The following CXorf58 variants were observed in gnomAD, a reference collection of about 807,000 sequenced individuals.
CXorf58 encodes chromosome X open reading frame 58.
A neutral mutation model predicts 26.0 loss-of-function variants in CXorf58; 24 were observed. The observed-to-expected ratio is 0.92, with a 90% CI of 0.67 to 1.30. The LOEUF (loss-of-function observed/expected upper bound fraction) is 1.30, where lower values mean the gene tolerates loss of function less well. Ranked by LOEUF, CXorf58 falls within the 50% of genes most tolerant of loss-of-function variation. CXorf58 has a pLI of 0.00. For missense variants in CXorf58, 236 were observed against 263.9 expected (o/e 0.89, Z 0.73); for synonymous variants, 87 against 86.1 (o/e 1.01, Z -0.06).
chrX:23,918,509 T>C (rs1307442515), intron 5 of CXorf58, among the ~76,000 whole-genome samples: 2 of 112,353 alleles, frequency 1.8e-5, no homozygotes, highest in Non-Finnish European at 3.8e-5. Context: ...TTGTTTTTTC[T>C]ATTAATATCT....
At chrX:23,909,033 TGTTA>T (rs1270039703) in intron 1 of CXorf58, among the ~76,000 whole-genome samples, 4 of 111,645 alleles carry the variant, frequency 3.6e-5, no homozygotes, top group Non-Finnish European at 7.5e-5. Context: ...CCAGCCTTGG[TGTTA>T]GTTAAGCCCA....
chrX:23,921,895 G>A (rs757360036), intron 5 of CXorf58, among the ~76,000 whole-genome samples: 5 of 109,241 alleles, frequency 4.6e-5, no homozygotes, highest in Non-Finnish European at 7.6e-5. Flanking sequence ...TAGAAAGGAG[G>A]TTTTGCTATG....
intron 1 of CXorf58, among the ~76,000 whole-genome samples, chrX:23,909,720 G>A (rs181072418): frequency 3.6e-5 from 4 of 111,637 alleles, no homozygotes; most frequent in African/African-American, 9.8e-5. Flanking sequence ...ATCCAAACTC[G>A]TTGCTTTAAA....
chrX:23,910,273 G>A lies in CXorf58; in HGVS notation c.-20-10G>A. ...TTATGACCTCAAAGGGTTAATTTAT[G>A]TACTTTCAGATTACTTCATTGGAGG... On this transcript the variant is annotated splice_polypyrimidine_tract_variant and intron_variant, in intron 1 of 8. Transcript: ENST00000379211. The A allele has an allele frequency of 1.1e-6, 1 of 921,654 alleles. No individual in the cohort carries two copies. The highest frequency in any genetic ancestry group is 1.6e-6 in the Non-Finnish European group (1 of 640,016). The allele number at this position is 921,654 out of a possible 1,213,427, so 76.0% of individuals were successfully genotyped here.
intron 6 of CXorf58, among the ~76,000 whole-genome samples, chrX:23,933,351 C>T (rs1169348871): frequency 9.0e-6 from 1 of 111,112 alleles, no homozygotes; most frequent in Non-Finnish European, 1.9e-5. Flanking sequence ...TCCTCCTGCC[C>T]TATCCCTGGC....
chrX:23,928,257 T>A (rs1429133150), intron 6 of CXorf58, among the ~76,000 whole-genome samples: 1 of 110,664 alleles, frequency 9.0e-6, no homozygotes, highest in Non-Finnish European at 1.9e-5. Flanking sequence ...CTCAGCTCAC[T>A]GCAACCTCTG....
rs1327553433 is a variant in CXorf58 at position 23,908,237 on chromosome X, TGA to T, written c.-111_-110del. The T allele has an allele frequency of 2.6e-5, 3 of 113,351 alleles. No individual in the cohort carries two copies. Among genetic ancestry groups the T allele is most frequent in the African/African-American group, 6.4e-5 (2 of 31,249 alleles). The allele number at this position is 113,351 out of a possible 1,213,427, so 9.3% of individuals were successfully genotyped here. ...TTACGAAAGGTTTTAACCAAGGACTTGAGGTTTCTCAGGTTTTAAATTTAAAC... is the reference window on the plus strand; with the variant it reads ...TTACGAAAGGTTTTAACCAAGGACTTGGTTTCTCAGGTTTTAAATTTAAAC... On this transcript the variant is annotated 5_prime_UTR_variant, in exon 1 of 9. Coordinates refer to ENST00000379211, the MANE Select transcript of CXorf58 (RefSeq NM_152761.3).
chrX:23,926,400 T>C (rs1284684393), intron 5 of CXorf58, among the ~76,000 whole-genome samples: 1 of 111,065 alleles, frequency 9.0e-6, no homozygotes, highest in Non-Finnish European at 1.9e-5. Context: ...AGAAAACCCC[T>C]CTATTTGCCA....
chrX:23,922,798 C>G (rs1292463714), intron 5 of CXorf58, among the ~76,000 whole-genome samples: 1 of 112,570 alleles, frequency 8.9e-6, no homozygotes, highest in East Asian at 2.8e-4. Flanking sequence ...GTTATTACCT[C>G]TTCCATGAGT....
chrX:23,934,975 C>A (rs1347526093), intron 6 of CXorf58, among the ~76,000 whole-genome samples: 1 of 110,699 alleles, frequency 9.0e-6, no homozygotes, highest in East Asian at 2.8e-4. Context: ...AGCAATTCTC[C>A]TGCCTGAGCC....
intron 6 of CXorf58, among the ~76,000 whole-genome samples, chrX:23,930,771 T>C (rs1928149245): frequency 9.0e-6 from 1 of 111,333 alleles, no homozygotes; most frequent in African/African-American, 3.3e-5. Context: ...TTTTTTTTCT[T>C]TTTGTGGAGA....
chrX:23,935,753 T>A (rs1601971841), intron 7 of CXorf58, among the ~76,000 whole-genome samples: 1 of 108,227 alleles, frequency 9.2e-6, no homozygotes, highest in South Asian at 3.9e-4. Context: ...CACATGGAAG[T>A]GGGACCCCAG....
intron 7 of CXorf58, among the ~76,000 whole-genome samples, chrX:23,936,281 T>C (rs898402427): frequency 8.9e-6 from 1 of 111,797 alleles, no homozygotes; most frequent in Admixed American, 9.5e-5. Context: ...CCCTTGCCCA[T>C]GCAGCACAGA....
At chrX:23,919,653 G>C (rs1927813805) in intron 5 of CXorf58, among the ~76,000 whole-genome samples, 1 of 112,220 alleles carries the variant, frequency 8.9e-6, no homozygotes, top group Non-Finnish European at 1.9e-5. Flanking sequence ...AGTTTCTTTG[G>C]TGAGGTCATG....
chrX:23,910,216 T>G, intron 1 of CXorf58, 67 bp from the exon 2 acceptor site: 1 of 501,123 alleles, frequency 2.0e-6, no homozygotes, highest in Non-Finnish European at 3.3e-6. Context: ...ATATGGCACT[T>G]GAGTCTTGTC....
chrX:23,915,635 A>G (rs1927699791), intron 3 of CXorf58, 65 bp from the exon 4 acceptor site: 1 of 652,893 alleles, frequency 1.5e-6, no homozygotes, highest in Admixed American at 2.7e-5. Flanking sequence ...TGCCTCTGTT[A>G]TAGTCCATAA....
At chrX:23,917,566 C>T (rs1385929337) in intron 5 of CXorf58, among the ~76,000 whole-genome samples, 1 of 108,844 alleles carries the variant, frequency 9.2e-6, no homozygotes. Context: ...TACAGGCATG[C>T]ACCACCACAC....
At chrX:23,926,191 C>T (rs1007213048) in intron 5 of CXorf58, among the ~76,000 whole-genome samples, 3 of 110,933 alleles carry the variant, frequency 2.7e-5, no homozygotes, top group African/African-American at 9.8e-5. Context: ...TCAGCACATA[C>T]TTATGGCGGG....
At chrX:23,912,588 C>A (rs1458876905) in intron 3 of CXorf58, among the ~76,000 whole-genome samples, 1 of 110,519 alleles carries the variant, frequency 9.0e-6, no homozygotes, top group Admixed American at 9.7e-5. Context: ...TACTAAAATA[C>A]AAAAAAATAG....
Sources: gnomAD v4.1 joint callset for allele counts (sites outside exome capture counted in the v4.1 genomes callset) on GRCh38, gnomAD v4.1.1 for gene constraint, MANE v1.5 for transcripts, NCBI Gene and HGNC (gene_info 2026-07-23, HGNC 2026-07-21) for gene names.